The following KIF13A variants were observed in gnomAD, a reference collection of about 807,000 sequenced individuals.
The protein encoded by KIF13A is kinesin family member 13A, also known as kinesin-like protein KIF13A.
A neutral mutation model predicts 212.2 loss-of-function variants in KIF13A; 79 were observed. That is an observed-to-expected ratio of 0.37 (90% confidence interval 0.31 to 0.45). The LOEUF (loss-of-function observed/expected upper bound fraction) is 0.45. Among genes scored for constraint, KIF13A ranks in the 20% least tolerant of loss-of-function variants. The pLI is 1.00. For synonymous variants in KIF13A, 789 were observed against 808.6 expected (o/e 0.98, Z 0.41); for missense variants, 1,901 against 2,209.0 (o/e 0.86, Z 2.79).
rs780492891 is a variant in KIF13A at position 17,777,318 on chromosome 6, G to C, written c.4129C>G (p.Arg1377Gly). 15 of 1,613,452 alleles carry C rather than the reference G, an allele frequency of 9.3e-6. No individual in the cohort carries two copies. Among genetic ancestry groups the C allele is most frequent in the Non-Finnish European group, 1.3e-5 (15 of 1,179,662 alleles). The change falls in exon 34 of 39, where the codon CGG becomes GGG. Residue 1377 changes from arginine to glycine, a missense_variant. Arg to Gly is a moderately radical substitution (Grantham distance 125). Transcript: ENST00000259711. This position sits in a 1 kb window ranked among gnomAD's most constrained non-coding sequence, Gnocchi z 4.4. Reference sequence around the variant, plus strand: ...GTACTGAGGCTCCTCCGAATGTGCCGGGCTTTGGTGGAAAGTGCTTCTTTG... The same window carrying C: ...GTACTGAGGCTCCTCCGAATGTGCCCGGCTTTGGTGGAAAGTGCTTCTTTG... ...TVKEALSTKA[R>G]HIRRSLSTPN...
At chr6:17,924,714 G>A (rs371381116) in intron 2 of KIF13A, among the ~76,000 whole-genome samples, 1 of 152,198 alleles carries the variant, frequency 6.6e-6, no homozygotes, top group East Asian at 1.9e-4. Flanking sequence ...AGAAGTGGAT[G>A]AGAAGGGGCA....
chr6:17,773,146 G>A lies in KIF13A; in HGVS notation c.4324+332C>T, dbSNP rs191181249. 1.3e-5 allele frequency among the ~76,000 whole-genome samples: 2 copies of A among 152,294 alleles called. No homozygotes were observed. The highest frequency in any genetic ancestry group is 4.8e-5 in the African/African-American group (2 of 41,578). On this transcript the variant is annotated intron_variant, in intron 36 of 38. Coordinates refer to ENST00000259711, the MANE Select transcript of KIF13A (RefSeq NM_022113.6). This position sits in a 1 kb window ranked among gnomAD's most constrained non-coding sequence, Gnocchi z 4.2. ...AAAATTCCTTTGAGTACACAAATATGACAGAGCTGGATATTCTGGTAGAAA... is the reference window on the plus strand; with the variant it reads ...AAAATTCCTTTGAGTACACAAATATAACAGAGCTGGATATTCTGGTAGAAA...
chr6:17,863,237 C>T (rs1287017621), intron 4 of KIF13A, among the ~76,000 whole-genome samples: 1 of 152,054 alleles, frequency 6.6e-6, no homozygotes, highest in Non-Finnish European at 1.5e-5. Context: ...GTGACTCTCA[C>T]ATTTAAGGGG....
At position 17,768,486 on chromosome 6, in the gene KIF13A, ATC is replaced by A. The variant is rs1244721072; in HGVS notation, c.4581+2626_4581+2627del. ...AATCATGTCGTGCTGTTCACCAGAGATCTCTGTTTGCAGAACTGCACCAGCCA... is the reference window on the plus strand; with the variant it reads ...AATCATGTCGTGCTGTTCACCAGAGATCTGTTTGCAGAACTGCACCAGCCA... On this transcript the variant is annotated intron_variant, in intron 38 of 38. Coordinates refer to ENST00000259711, the MANE Select transcript of KIF13A (RefSeq NM_022113.6). This position sits in a 1 kb window ranked among gnomAD's most constrained non-coding sequence, Gnocchi z 5.4. 1.3e-5 allele frequency among the ~76,000 whole-genome samples: 2 copies of A among 152,164 alleles called. No individual in the cohort carries two copies. The highest frequency in any genetic ancestry group is 2.9e-5 in the Non-Finnish European group (2 of 68,042).
At chr6:17,824,675 G>A (rs987473752) in intron 16 of KIF13A, among the ~76,000 whole-genome samples, 7 of 150,274 alleles carry the variant, frequency 4.7e-5, no homozygotes, top group African/African-American at 9.8e-5. Flanking sequence ...GCAGGAGAAC[G>A]GCGTGAACCT....
At position 17,888,908 on chromosome 6, in the gene KIF13A, ATTCT is replaced by A. The variant is rs1309462423; in HGVS notation, c.159+9256_159+9259del. ...TAACCAAATATATAAAAAATCTTAT[ATTCT>A]TTTTCTTTCTTGTACCAAGTCTTCT... On this transcript the variant is annotated intron_variant, in intron 3 of 38. Coordinates refer to ENST00000259711, the MANE Select transcript of KIF13A (RefSeq NM_022113.6). This position sits in a 1 kb window ranked among gnomAD's most constrained non-coding sequence, Gnocchi z 4.8. 2.6e-5 allele frequency among the ~76,000 whole-genome samples: 4 copies of A among 152,180 alleles called. No individual in the cohort carries two copies. Among genetic ancestry groups the A allele is most frequent in the African/African-American group, 9.6e-5 (4 of 41,456 alleles).
At chr6:17,805,431 GT>G in intron 19 of KIF13A, 43 bp downstream of exon 19, 2 of 1,545,646 alleles carry the variant, frequency 1.3e-6, no homozygotes, top group Non-Finnish European at 8.9e-7. Context: ...TATATTCTCT[GT>G]TTTTAACATA....
At chr6:17,800,869 G>T (rs367967153) in intron 20 of KIF13A, among the ~76,000 whole-genome samples, 152 of 152,052 alleles carry the variant, frequency 1.0e-3, no homozygotes, top group African/African-American at 3.4e-3. Flanking sequence ...AAAGTGCTGG[G>T]ATTACAATCA....
intron 4 of KIF13A, among the ~76,000 whole-genome samples, chr6:17,864,112 C>T (rs1769125684): frequency 6.6e-6 from 1 of 152,218 alleles, no homozygotes; most frequent in Non-Finnish European, 1.5e-5. Context: ...GCAGGAGGAT[C>T]TATGAGTATT....
rs1759998052 is a variant in KIF13A at position 17,776,534 on chromosome 6, A to G, written c.4170+743T>C. The stretch of plus-strand genomic sequence containing the variant: ...TAAATGCATTGTGGTCAGAAGAAGT[A>G]ATCTGTGTGATAATAATTACTGGGA... On this transcript the variant is annotated intron_variant, in intron 34 of 38. Coordinates refer to ENST00000259711, the MANE Select transcript of KIF13A (RefSeq NM_022113.6). This position sits in a 1 kb window ranked among gnomAD's most constrained non-coding sequence, Gnocchi z 4.6. 6.6e-6 allele frequency among the ~76,000 whole-genome samples: 1 copy of G among 152,240 alleles called. No individual in the cohort carries two copies. Among genetic ancestry groups the G allele is most frequent in the African/African-American group, 2.4e-5 (1 of 41,468 alleles).
intron 2 of KIF13A, among the ~76,000 whole-genome samples, chr6:17,973,887 T>C (rs1780039201): frequency 6.6e-6 from 1 of 152,154 alleles, no homozygotes; most frequent in Non-Finnish European, 1.5e-5. Context: ...AGCCCACAAC[T>C]CTCAAACCAG....
intron 22 of KIF13A, among the ~76,000 whole-genome samples, chr6:17,797,294 G>A (rs1762128238): frequency 6.6e-6 from 1 of 151,966 alleles, no homozygotes; most frequent in African/African-American, 2.4e-5. Context: ...CTCCCACAGT[G>A]CTGGGATTAC....
rs368235858 is a variant in KIF13A at position 17,815,321 on chromosome 6, C to T, written c.2000+1699G>A. ...AGGGAGACAGGCCTCTGGATGGCTG[C>T]GGGCGGGCCTGACTCATGTCAGGCC... is the stretch of plus-strand genomic sequence containing the variant. On this transcript the variant is annotated intron_variant, in intron 17 of 38. Coordinates refer to ENST00000259711, the MANE Select transcript of KIF13A (RefSeq NM_022113.6). 4.5e-4 allele frequency among the ~76,000 whole-genome samples: 69 copies of T among 152,148 alleles called. 2 individuals carry two copies. The South Asian group carries it at 0.013, about 29-fold the overall frequency.
Position 17,837,396 on chromosome 6 carries a change from T to C in KIF13A, c.942+76A>G. 1.0e-6 allele frequency: 1 copy of C among 989,762 alleles called. No individual in the cohort carries two copies. The highest frequency in any genetic ancestry group is 1.4e-5 in the South Asian group (1 of 69,170). The allele number at this position is 989,762 out of a possible 1,614,324, so 61.3% of individuals were successfully genotyped here. On this transcript the variant is annotated intron_variant, in intron 10 of 38. Coordinates refer to ENST00000259711, the MANE Select transcript of KIF13A (RefSeq NM_022113.6). The surrounding 1 kb of genome is among the most constrained non-coding windows in gnomAD (Gnocchi z 5.4). ...GAGTTCTTTAGGTATTTGGTTAGCT[T>C]TGTACACACCTTTACTCTGTCACAT...
intron 3 of KIF13A, among the ~76,000 whole-genome samples, chr6:17,890,816 A>AATG (rs1771990320): frequency 6.7e-6 from 1 of 148,818 alleles, no homozygotes; most frequent in South Asian, 2.1e-4. Context: ...TAATAATAAT[A>AATG]ATGTTATTAT....
In KIF13A at chr6:17,772,812, T is replaced by TC. The variant is rs1038044041; in HGVS notation, c.4324+665dup. On this transcript the variant is annotated intron_variant, in intron 36 of 38. Coordinates refer to ENST00000259711, the MANE Select transcript of KIF13A (RefSeq NM_022113.6). The surrounding 1 kb of genome is among the most constrained non-coding windows in gnomAD (Gnocchi z 4.8). ...AAATTTTCTTGCGAGCCTCTTTTTTTCCCCCTCAGGCCACCCTGCTATATA... is the reference window on the plus strand; with the variant it reads ...AAATTTTCTTGCGAGCCTCTTTTTTTCCCCCCTCAGGCCACCCTGCTATATA... Among the ~76,000 whole-genome samples, 1 of 148,908 alleles carries TC rather than the reference T, an allele frequency of 6.7e-6. No individual in the cohort carries two copies. The highest frequency in any genetic ancestry group is 6.8e-5 in the Admixed American group (1 of 14,700).
intron 2 of KIF13A, among the ~76,000 whole-genome samples, chr6:17,975,546 A>AG (rs968374239): frequency 2.6e-5 from 4 of 151,968 alleles, no homozygotes; most frequent in African/African-American, 9.7e-5. Context: ...AAAGACCAAA[A>AG]GAAAAAAAAG....
chr6:17,893,724 G>A (rs1038190356), intron 3 of KIF13A, among the ~76,000 whole-genome samples: 35 of 151,850 alleles, frequency 2.3e-4, no homozygotes, highest in African/African-American at 7.7e-4. Flanking sequence ...GATTTCTCAT[G>A]GGCCTTTTAT....
At chr6:17,943,400 A>AT (rs11311833) in intron 2 of KIF13A, among the ~76,000 whole-genome samples, 2,940 of 132,272 alleles carry the variant, frequency 0.022, 58 homozygotes, top group African/African-American at 0.049. Context: ...TAAAACACAG[A>AT]TTTTTTTTTT....
Sources: gnomAD v4.1 joint callset for allele counts (sites outside exome capture counted in the v4.1 genomes callset) on GRCh38, gnomAD v4.1.1 for gene constraint, Gnocchi (gnomAD v3.1) non-coding constraint, MANE v1.5 for transcripts, NCBI Gene and HGNC (gene_info 2026-07-23, HGNC 2026-07-21) for gene names.